GPHN: variants seen among roughly 807,000 people sequenced by gnomAD.
The protein encoded by GPHN is gephyrin.
Under a neutral mutation model 95.5 loss-of-function variants are expected in GPHN, and 17 were observed. The observed-to-expected ratio is 0.18, with a 90% CI of 0.12 to 0.27. GPHN has a LOEUF of 0.27. GPHN is among the 10% of genes least tolerant of loss of function. GPHN has a pLI of 1.00. For synonymous variants in GPHN, 320 were observed against 322.5 expected, an observed-to-expected ratio of 0.99 and a Z score of 0.08; for missense variants, 660 against 978.1, an observed-to-expected ratio of 0.67 and a Z score of 4.34.
the GPHN span, among the ~76,000 whole-genome samples, chr14:67,215,457 G>A: frequency 6.6e-6 from 1 of 151,360 alleles, no homozygotes; most frequent in Non-Finnish European, 1.5e-5. Context: ...AGTAAACAAT[G>A]ACAGAAGGGC....
intron 17 of GPHN, among the ~76,000 whole-genome samples, chr14:67,138,089 A>G (rs2080208223): frequency 6.6e-6 from 1 of 152,172 alleles, no homozygotes; most frequent in South Asian, 2.1e-4. Flanking sequence ...AAGGTGTTTT[A>G]TGTGTAACAA....
chr14:66,834,571 A>G (rs1414829768), intron 4 of GPHN, among the ~76,000 whole-genome samples: 2 of 151,268 alleles, frequency 1.3e-5, no homozygotes, highest in Admixed American at 1.3e-4. Flanking sequence ...TGATTTGCGT[A>G]TATTGAACCA....
intron 9 of GPHN, among the ~76,000 whole-genome samples, chr14:66,983,954 C>T (rs1353752934): frequency 3.3e-5 from 5 of 152,148 alleles, no homozygotes; most frequent in Admixed American, 3.3e-4. Flanking sequence ...AAATTAGGGA[C>T]TGTTGATTTC....
chr14:67,021,374 C>T (rs1213707478), intron 9 of GPHN, among the ~76,000 whole-genome samples: 2 of 152,030 alleles, frequency 1.3e-5, no homozygotes, highest in African/African-American at 4.8e-5. Flanking sequence ...CCTTGATAAA[C>T]GCTCAGATTC....
At chr14:67,569,911 C>T in the GPHN span, 14 of 1,582,840 alleles carry the variant, frequency 8.8e-6, no homozygotes, top group East Asian at 2.2e-5. Flanking sequence ...TTCCTCTCTT[C>T]CCTGCTCAGC....
chr14:67,353,162 G>A, the GPHN span: 2 of 710,682 alleles, frequency 2.8e-6, no homozygotes, highest in Non-Finnish European at 4.6e-6. Context: ...AGACTATATA[G>A]AGAATTTGTA....
the GPHN span, among the ~76,000 whole-genome samples, chr14:67,548,449 G>C: frequency 6.6e-6 from 1 of 152,224 alleles, no homozygotes; most frequent in East Asian, 1.9e-4. Context: ...TGTAATCCCA[G>C]CACTTTGGGA....
chr14:67,382,298 T>C, the GPHN span: 5 of 591,866 alleles, frequency 8.4e-6, no homozygotes, highest in Admixed American at 3.7e-5. Context: ...TTGCCAATTC[T>C]GTAGGACCCT....
chr14:66,971,085 T>C (rs2069732534), intron 9 of GPHN, among the ~76,000 whole-genome samples: 1 of 152,162 alleles, frequency 6.6e-6, no homozygotes, highest in Non-Finnish European at 1.5e-5. Flanking sequence ...TCCCATCACT[T>C]TGGGAGGCCA....
the GPHN span, among the ~76,000 whole-genome samples, chr14:67,230,134 A>G: frequency 6.6e-5 from 10 of 152,158 alleles, no homozygotes; most frequent in African/African-American, 2.4e-4. Context: ...ACTTGGGGGG[A>G]AAAAGATTAA....
intron 1 of GPHN, among the ~76,000 whole-genome samples, chr14:66,553,904 T>G (rs2059915986): frequency 6.6e-6 from 1 of 152,190 alleles, no homozygotes; most frequent in Admixed American, 6.5e-5. Flanking sequence ...GCTCTGGAAT[T>G]TTCATTTAGT....
At chr14:67,037,476 G>A (rs2074479074) in intron 10 of GPHN, among the ~76,000 whole-genome samples, 1 of 151,808 alleles carries the variant, frequency 6.6e-6, no homozygotes, top group Non-Finnish European at 1.5e-5. Flanking sequence ...AATATTTTCT[G>A]CATCAAAGGA....
chr14:66,977,502 G>C (rs2070334340), intron 9 of GPHN, among the ~76,000 whole-genome samples: 1 of 151,976 alleles, frequency 6.6e-6, no homozygotes, highest in South Asian at 2.1e-4. Context: ...TATTAAAGAG[G>C]CCATCTCAAA....
At chr14:67,398,933 T>C in the GPHN span, among the ~76,000 whole-genome samples, 2 of 152,268 alleles carry the variant, frequency 1.3e-5, no homozygotes. Context: ...TTAATGACGA[T>C]TATGTGGATA....
chr14:67,137,628 G>A (rs1037069553), intron 17 of GPHN, among the ~76,000 whole-genome samples: 2 of 152,078 alleles, frequency 1.3e-5, no homozygotes, highest in African/African-American at 2.4e-5. Flanking sequence ...ATCCAGGTGT[G>A]GTGGCGCACT....
chr14:67,587,157 C>G, the GPHN span: 1 of 1,614,008 alleles, frequency 6.2e-7, no homozygotes, highest in African/African-American at 1.3e-5. Flanking sequence ...CACCCGGAGC[C>G]TGCCAGCTGT....
the GPHN span, among the ~76,000 whole-genome samples, chr14:67,465,610 A>G: frequency 6.6e-6 from 1 of 152,026 alleles, no homozygotes; most frequent in African/African-American, 2.4e-5. Context: ...TCCAGCTTTC[A>G]CTCCTCATGG....
chr14:66,548,193 T>C (rs2059674558), intron 1 of GPHN, among the ~76,000 whole-genome samples: 3 of 150,458 alleles, frequency 2.0e-5, no homozygotes, highest in Admixed American at 2.0e-4. Flanking sequence ...TTTTTTTTTT[T>C]TTTTTGAGAT....
At chr14:67,404,996 G>A in the GPHN span, among the ~76,000 whole-genome samples, 11 of 152,032 alleles carry the variant, frequency 7.2e-5, no homozygotes, top group East Asian at 1.9e-3. Context: ...AATTTTGGGA[G>A]GCCAAAGTAG....
Sources: allele counts gnomAD v4.1 joint callset (sites outside exome capture counted in the v4.1 genomes callset), GRCh38; gene constraint gnomAD v4.1.1; transcripts MANE v1.5; gene names NCBI Gene and HGNC (gene_info 2026-07-23, HGNC 2026-07-21).